LAMB4: variants seen among roughly 807,000 people sequenced by gnomAD.
The protein encoded by LAMB4 is laminin subunit beta 4.
LAMB4 carries 196 observed loss-of-function variants against 199.2 expected under a neutral mutation model. The observed-to-expected ratio is 0.98, with a 90% CI of 0.88 to 1.11. The LOEUF is 1.11. Among genes scored for constraint, LAMB4 ranks in the 50% least tolerant of loss-of-function variants. LAMB4 has a pLI of 0.00. For synonymous variants in LAMB4, 744 were observed against 770.6 expected (o/e 0.97, Z 0.57); for missense variants, 2,080 against 2,171.2 (o/e 0.96, Z 0.83).
chr7:108,052,393 T>C, intron 25 of LAMB4, 136 bp from the exon 26 acceptor site: 2 of 605,058 alleles, frequency 3.3e-6, no homozygotes, highest in Non-Finnish European at 5.6e-6. Flanking sequence ...AGTTTTTCAT[T>C]TGACGGTTTA....
chr7:108,063,666 C>T lies in LAMB4; in HGVS notation c.3061+95G>A, dbSNP rs146456280. 748 of 1,104,662 alleles carry T rather than the reference C, an allele frequency of 6.8e-4. 2 individuals carry two copies. In the African/African-American group the frequency reaches 0.011, roughly 16 times the overall value. 68.4% of individuals were successfully genotyped at this position (1,104,662 alleles called of 1,614,324 possible). On this transcript the variant is annotated intron_variant, in intron 22 of 33. Transcript: ENST00000388781. Reference sequence around the variant, plus strand: ...TGGGTGCTGCTTTTGCCTGCTGGGACTGGCCTAACTGAAATGATCATGGGA... The same window carrying T: ...TGGGTGCTGCTTTTGCCTGCTGGGATTGGCCTAACTGAAATGATCATGGGA...
chr7:108,123,260 T>C, intron 1 of LAMB4, 63 bp from the exon 2 acceptor site: 2 of 987,146 alleles, frequency 2.0e-6, no homozygotes, highest in Admixed American at 2.1e-5. Flanking sequence ...CATCACATGT[T>C]ATGTAAAAGT....
At chr7:108,104,901 T>C (rs1312422788) in intron 8 of LAMB4, among the ~76,000 whole-genome samples, 2 of 151,784 alleles carry the variant, frequency 1.3e-5, no homozygotes, top group East Asian at 3.9e-4. Flanking sequence ...CTCAATAAAA[T>C]GAGGGACAGG....
At position 108,037,466 on chromosome 7, in the gene LAMB4, T is replaced by C; in HGVS notation, c.4601A>G (p.Asp1534Gly). 1 of 1,614,188 alleles carries C rather than the reference T, an allele frequency of 6.2e-7. No homozygotes were observed. Among genetic ancestry groups the C allele is most frequent in the Non-Finnish European group, 8.5e-7 (1 of 1,180,010 alleles). ...KIQKHMQLCE[D>G]YRTDENRLNE... ...TAACCTGTTTTCATCTGTCCTGTAA[T>C]CCTCACAGAGTTGCATATGTTTCTG... The change falls in exon 30 of 34, where the codon GAT (aspartate) becomes GGT (glycine). Residue 1534 changes from aspartate to glycine, a missense_variant. Coordinates refer to ENST00000388781, the MANE Select transcript of LAMB4 (RefSeq NM_007356.3).
chr7:108,019,117 A>C (rs531577346), downstream of LAMB4, among the ~76,000 whole-genome samples: 1 of 152,110 alleles, frequency 6.6e-6, no homozygotes, highest in South Asian at 2.1e-4. Flanking sequence ...GCTTTAAATG[A>C]CATAAATTTA....
rs1453719647 is a variant in LAMB4 at position 108,025,494 on chromosome 7, T to C, written c.5147-1316A>G. ...CCCAGGCTGGAGTGCAATGGCGTGATCTCAGCTCACTGCAACCTCCGCCTC... is the reference window on the plus strand; with the variant it reads ...CCCAGGCTGGAGTGCAATGGCGTGACCTCAGCTCACTGCAACCTCCGCCTC... On this transcript the variant is annotated intron_variant, in intron 33 of 33. Coordinates refer to ENST00000388781, the MANE Select transcript of LAMB4 (RefSeq NM_007356.3). 2.0e-5 allele frequency among the ~76,000 whole-genome samples: 3 copies of C among 151,562 alleles called. No homozygotes were observed. In the East Asian group the frequency reaches 5.8e-4, roughly 29 times the overall value.
chr7:108,052,303 T>A (rs2035851775), intron 25 of LAMB4, 46 bp from the exon 26 acceptor site: 1 of 1,448,586 alleles, frequency 6.9e-7, no homozygotes, highest in African/African-American at 1.4e-5. Context: ...GTATTACATT[T>A]GATATATTGG....
intron 11 of LAMB4, among the ~76,000 whole-genome samples, chr7:108,097,324 T>A (rs181590476): frequency 6.4e-4 from 98 of 152,348 alleles, no homozygotes; most frequent in Non-Finnish European, 1.2e-3. Flanking sequence ...TAAATTTCTG[T>A]GATCCTATAG....
intron 9 of LAMB4, among the ~76,000 whole-genome samples, chr7:108,103,689 G>A (rs1584758733): frequency 6.6e-6 from 1 of 152,326 alleles, no homozygotes; most frequent in East Asian, 1.9e-4. Flanking sequence ...AGCTGCAAGG[G>A]CTGCGGTCAA....
At chr7:108,046,564 A>T (rs2035633545) in intron 28 of LAMB4, among the ~76,000 whole-genome samples, 1 of 152,164 alleles carries the variant, frequency 6.6e-6, no homozygotes, top group South Asian at 2.1e-4. Context: ...TTCAAACCAC[A>T]GAATAAAATG....
At chr7:108,117,609 A>G (rs973004032) in intron 2 of LAMB4, among the ~76,000 whole-genome samples, 6 of 152,200 alleles carry the variant, frequency 3.9e-5, no homozygotes, top group African/African-American at 1.4e-4. Context: ...TGAACCTCAC[A>G]CAAGAAAGAA....
chr7:108,021,738 T>C (rs2034698809), downstream of LAMB4, among the ~76,000 whole-genome samples: 1 of 151,906 alleles, frequency 6.6e-6, no homozygotes. Context: ...GGATGAAGAA[T>C]GTATTATGAT....
At chr7:108,116,345 GTAATACCTCTTTGAGTCTTTTGAAATCT>G (rs2038408051) in intron 2 of LAMB4, among the ~76,000 whole-genome samples, 184 bp from the exon 3 acceptor site, 1 of 152,130 alleles carries the variant, frequency 6.6e-6, no homozygotes, top group Non-Finnish European at 1.5e-5. Flanking sequence ...GGCATGAGGT[GTAATACCTCTTTGAGTCTTTTGAAATCT>G]GTATTTCAAA....
intron 32 of LAMB4, among the ~76,000 whole-genome samples, chr7:108,029,555 G>A (rs1046046281): frequency 6.6e-6 from 1 of 152,170 alleles, no homozygotes; most frequent in African/African-American, 2.4e-5. Context: ...GTTCAGTTCG[G>A]TCAATCAGTT....
chr7:108,025,499 G>A (rs1405218728), intron 33 of LAMB4, among the ~76,000 whole-genome samples: 3 of 150,178 alleles, frequency 2.0e-5, no homozygotes, highest in Non-Finnish European at 2.9e-5. Context: ...CGTGATCTCA[G>A]CTCACTGCAA....
chr7:108,016,265 G>A, the LAMB4 span, among the ~76,000 whole-genome samples: 1 of 146,018 alleles, frequency 6.8e-6, no homozygotes, highest in African/African-American at 2.6e-5. Context: ...CAAATCTCTT[G>A]CATTTTGGAA....
intron 15 of LAMB4, 107 bp downstream of exon 15, chr7:108,079,494 A>G: frequency 2.0e-6 from 2 of 992,318 alleles, no homozygotes; most frequent in South Asian, 3.7e-5. Flanking sequence ...TTCACTTTTT[A>G]CAAATCCTTT....
chr7:108,057,958 A>T, intron 23 of LAMB4, 30 bp from the exon 24 acceptor site: 2 of 1,489,242 alleles, frequency 1.3e-6, no homozygotes, highest in South Asian at 2.3e-5. Context: ...TGAGGAATTG[A>T]CAAGTTTTAT....
intron 25 of LAMB4, 72 bp from the exon 26 acceptor site, chr7:108,052,329 C>A: frequency 2.5e-6 from 3 of 1,187,784 alleles, no homozygotes; most frequent in South Asian, 2.1e-5. Context: ...AAAATGCCAC[C>A]AAAATTGCCC....
Sources: gnomAD v4.1 joint callset for allele counts (sites outside exome capture counted in the v4.1 genomes callset) on GRCh38, gnomAD v4.1.1 for gene constraint, MANE v1.5 for transcripts, NCBI Gene and HGNC (gene_info 2026-07-23, HGNC 2026-07-21) for gene names.